The following PAFAH1B1 variants were observed in gnomAD, a reference collection of about 807,000 sequenced individuals.
PAFAH1B1 encodes platelet activating factor acetylhydrolase 1b regulatory subunit 1.
A neutral mutation model predicts 57.5 loss-of-function variants in PAFAH1B1; 2 were observed. The observed-to-expected ratio is 0.03, with a 90% CI of 0.01 to 0.11. The LOEUF (loss-of-function observed/expected upper bound fraction) is 0.11, where lower values mean the gene tolerates loss of function less well. Among genes scored for constraint, PAFAH1B1 ranks in the 10% least tolerant of loss-of-function variants. PAFAH1B1 has a pLI of 1.00. For synonymous variants in PAFAH1B1, 152 were observed against 169.6 expected (o/e 0.90, Z 0.81); for missense variants, 257 against 512.0 (o/e 0.50, Z 4.81).
intron 2 of PAFAH1B1, among the ~76,000 whole-genome samples, chr17:2,650,059 G>C (rs1485999517): frequency 6.6e-6 from 1 of 150,802 alleles, no homozygotes; most frequent in African/African-American, 2.5e-5. Context: ...AAGTTTGACT[G>C]TATCAAAATA....
rs2068421993 is a variant in PAFAH1B1, at chr17:2,621,605, G to GTTTTTTTTTTTTTTTTTTTTTTTTTTT, written c.-190-16493_-190-16492insTTTTTTTTTTTTTTTTTTTTTTTTTTT. ...GCTATTCAAGCATGGTAGATAATCT[G>GTTTTTTTTTTTTTTTTTTTTTTTTTTT]TCTTTTTTTTTTTTTTTTTTTTTTT... On this transcript the variant is annotated intron_variant, in intron 1 of 10. Transcript: ENST00000397195. 3.2e-5 allele frequency among the ~76,000 whole-genome samples: 3 copies of GTTTTTTTTTTTTTTTTTTTTTTTTTTT among 93,208 alleles called. 1 individual carries two copies. The highest frequency in any genetic ancestry group is 2.7e-4 in the Admixed American group (2 of 7,460). The allele number at this position is 93,208 out of a possible 152,430, so 61.1% of individuals were successfully genotyped here.
chr17:2,661,353 G>C (rs1042579633), intron 2 of PAFAH1B1, among the ~76,000 whole-genome samples: 12 of 152,152 alleles, frequency 7.9e-5, no homozygotes, highest in Admixed American at 3.9e-4. Context: ...GTGTAAGGAA[G>C]GGGTCCAGTT....
rs1369565384 is a variant in PAFAH1B1, at chr17:2,681,954, G to A, written c.*152G>A. On this transcript the variant is annotated 3_prime_UTR_variant, in exon 11 of 11. Transcript: ENST00000397195. ...GAGCTTATTAAATGTTACACACAAA[G>A]TATTCATGCATGGTGAATCCAAATT... 1 of 622,428 alleles carries A rather than the reference G, an allele frequency of 1.6e-6. No individual in the cohort carries two copies. 38.6% of individuals were successfully genotyped at this position (622,428 alleles called of 1,614,324 possible).
intron 2 of PAFAH1B1, among the ~76,000 whole-genome samples, chr17:2,652,903 C>G (rs577104326): frequency 2.0e-5 from 3 of 152,100 alleles, no homozygotes; most frequent in African/African-American, 4.8e-5. Context: ...TTTGACCCAG[C>G]CATCCCATTA....
intron 1 of PAFAH1B1, among the ~76,000 whole-genome samples, chr17:2,621,296 G>T (rs1448950846): frequency 6.6e-6 from 1 of 152,122 alleles, no homozygotes; most frequent in African/African-American, 2.4e-5. Flanking sequence ...TCATCATTTA[G>T]CTCCCGCTTG....
chr17:2,654,144 T>A (rs1039444026), intron 2 of PAFAH1B1, among the ~76,000 whole-genome samples: 1 of 151,632 alleles, frequency 6.6e-6, no homozygotes, highest in African/African-American at 2.4e-5. Context: ...TTTAATATGC[T>A]GCTTCTATCC....
intron 7 of PAFAH1B1, 130 bp from the exon 8 acceptor site, chr17:2,673,930 C>A: frequency 1.4e-6 from 1 of 692,666 alleles, no homozygotes; most frequent in Non-Finnish European, 2.6e-6. Flanking sequence ...CAGGATTGTA[C>A]ATTTATTCTG....
At position 2,681,903 on chromosome 17, in the gene PAFAH1B1, C is replaced by T. The variant is rs1388952731; in HGVS notation, c.*101C>T. The T allele has an allele frequency of 4.2e-5, 34 of 807,886 alleles. No homozygotes were observed. The highest frequency in any genetic ancestry group is 5.8e-5 in the Non-Finnish European group (29 of 499,934). The allele number at this position is 807,886 out of a possible 1,614,324, so 50.0% of individuals were successfully genotyped here. ...TCTGTTTAAATAAATATTGTCCTTTCATGTAAATTATTCTGGATGTAGATT... is the reference window on the plus strand; with the variant it reads ...TCTGTTTAAATAAATATTGTCCTTTTATGTAAATTATTCTGGATGTAGATT... On this transcript the variant is annotated 3_prime_UTR_variant, in exon 11 of 11. Coordinates refer to ENST00000397195, the MANE Select transcript of PAFAH1B1 (RefSeq NM_000430.4).
chr17:2,647,629 G>GA (rs2068785854), intron 2 of PAFAH1B1, among the ~76,000 whole-genome samples: 1 of 152,200 alleles, frequency 6.6e-6, no homozygotes, highest in Non-Finnish European at 1.5e-5. Flanking sequence ...AGTCGGATAT[G>GA]AAAAACATTG....
intron 1 of PAFAH1B1, among the ~76,000 whole-genome samples, chr17:2,621,581 C>T: frequency 7.1e-6 from 1 of 141,492 alleles, no homozygotes. Context: ...ATAATACGTG[C>T]TATTCAAGCA....
chr17:2,633,031 T>C (rs1567537839), intron 1 of PAFAH1B1, among the ~76,000 whole-genome samples: 1 of 152,224 alleles, frequency 6.6e-6, no homozygotes, highest in Admixed American at 6.6e-5. Flanking sequence ...TGTAGTTATA[T>C]AGATATATAA....
chr17:2,606,837 T>TTA (rs2068210148), intron 1 of PAFAH1B1, among the ~76,000 whole-genome samples: 1 of 137,774 alleles, frequency 7.3e-6, no homozygotes, highest in Non-Finnish European at 1.5e-5. Context: ...TTTTTTTTTT[T>TTA]AAGACGGAGT....
At chr17:2,617,759 A>G (rs1427113608) in intron 1 of PAFAH1B1, among the ~76,000 whole-genome samples, 2 of 151,792 alleles carry the variant, frequency 1.3e-5, no homozygotes, top group Non-Finnish European at 2.9e-5. Flanking sequence ...GTCTCTACTA[A>G]AAATGCAGCA....
At chr17:2,634,878 G>A (rs1317784013) in intron 1 of PAFAH1B1, among the ~76,000 whole-genome samples, 2 of 152,068 alleles carry the variant, frequency 1.3e-5, no homozygotes, top group Admixed American at 1.3e-4. Context: ...TAAAGACCAA[G>A]TCCAGCCAGG....
chr17:2,594,090 A>G (rs547008321), intron 1 of PAFAH1B1, 84 bp downstream of exon 1: 1 of 390,590 alleles, frequency 2.6e-6, no homozygotes, highest in East Asian at 3.6e-5. Context: ...CGGCCTGACG[A>G]TGTGGCTGCG....
At chr17:2,660,439 T>C (rs1444615842) in intron 2 of PAFAH1B1, among the ~76,000 whole-genome samples, 2 of 152,030 alleles carry the variant, frequency 1.3e-5, no homozygotes, top group Admixed American at 1.3e-4. Context: ...TGTGTGTTGT[T>C]CCCCTCCCTG....
At chr17:2,666,524 A>G (rs1337784967) in intron 4 of PAFAH1B1, among the ~76,000 whole-genome samples, 2 of 152,252 alleles carry the variant, frequency 1.3e-5, no homozygotes, top group African/African-American at 2.4e-5. Context: ...GAATAAGTAA[A>G]TAACATTGTT....
intron 2 of PAFAH1B1, among the ~76,000 whole-genome samples, chr17:2,655,321 A>G (rs2068922890): frequency 6.6e-6 from 1 of 152,090 alleles, no homozygotes; most frequent in Admixed American, 6.6e-5. Context: ...TACATACCAC[A>G]TCACATTGCA....
intron 5 of PAFAH1B1, among the ~76,000 whole-genome samples, chr17:2,669,589 T>C (rs763440694): frequency 1.3e-5 from 2 of 152,222 alleles, no homozygotes; most frequent in Non-Finnish European, 2.9e-5. Flanking sequence ...AAATGACATA[T>C]GCTCTTGTTC....
Sources: gnomAD v4.1 joint callset for allele counts (sites outside exome capture counted in the v4.1 genomes callset) on GRCh38, gnomAD v4.1.1 for gene constraint, MANE v1.5 for transcripts, NCBI Gene and HGNC (gene_info 2026-07-23, HGNC 2026-07-21) for gene names.